The following SLC9A9 variants were observed in gnomAD, a reference collection of about 807,000 sequenced individuals.
SLC9A9 encodes the protein solute carrier family 9 member A9, also known as sodium/hydrogen exchanger 9.
In SLC9A9, 62 loss-of-function variants were observed where a neutral mutation model predicts 77.8. That is an observed-to-expected ratio of 0.80 (90% CI 0.65 to 0.98). SLC9A9 has a LOEUF of 0.98. SLC9A9 is among the 50% of genes least tolerant of loss of function. The pLI is 0.00. For synonymous variants in SLC9A9, 320 were observed against 283.5 expected (o/e 1.13, Z -1.29); for missense variants, 775 against 774.9 (o/e 1.00, Z 0.00).
chr3:143,733,368 G>A (rs543531386), intron 4 of SLC9A9, among the ~76,000 whole-genome samples: 1 of 152,248 alleles, frequency 6.6e-6, no homozygotes, highest in Admixed American at 6.5e-5. Flanking sequence ...GGTAGGAGGA[G>A]GGTGAAGAGA....
rs532444396 is a variant in SLC9A9, at chr3:143,265,842, T to C, written c.*860A>G. On this transcript the variant is annotated 3_prime_UTR_variant, in exon 16 of 16. Transcript: ENST00000316549. ...GGCTCCTGCACAGTCTGCTGCCAGG[T>C]AGAGAGCAACACAGGCTGCAGAATC... 1.7e-6 allele frequency: 1 copy of C among 591,736 alleles called. No individual in the cohort carries two copies. The highest frequency in any genetic ancestry group is 2.0e-5 in the South Asian group (1 of 49,012). 36.7% of individuals were successfully genotyped at this position (591,736 alleles called of 1,614,324 possible). A position where few individuals can be genotyped will look rare whatever the true frequency, so the allele number is the denominator to read the frequency against.
chr3:143,828,468 T>A (rs1414080070), intron 2 of SLC9A9, among the ~76,000 whole-genome samples: 1 of 152,080 alleles, frequency 6.6e-6, no homozygotes, highest in Non-Finnish European at 1.5e-5. Context: ...AATGTAAGAA[T>A]GCTAATAAAC....
chr3:143,571,730 G>A (rs1302890198), intron 8 of SLC9A9, among the ~76,000 whole-genome samples: 1 of 152,124 alleles, frequency 6.6e-6, no homozygotes, highest in East Asian at 1.9e-4. Flanking sequence ...CCAAACCACA[G>A]CAATGAACAG....
intron 12 of SLC9A9, among the ~76,000 whole-genome samples, chr3:143,455,968 G>A (rs1485811845): frequency 6.6e-6 from 1 of 151,776 alleles, no homozygotes; most frequent in Non-Finnish European, 1.5e-5. Flanking sequence ...CCTAAAATTA[G>A]GAATATTTGT....
chr3:143,380,861 CA>C (rs976010370), intron 13 of SLC9A9, among the ~76,000 whole-genome samples: 2 of 152,138 alleles, frequency 1.3e-5, no homozygotes, highest in Admixed American at 1.3e-4. Flanking sequence ...GAAAACTCAC[CA>C]GTTGTGCCTC....
chr3:143,469,931 A>T (rs554427169), intron 11 of SLC9A9, among the ~76,000 whole-genome samples: 5 of 152,166 alleles, frequency 3.3e-5, no homozygotes, highest in Non-Finnish European at 7.4e-5. Flanking sequence ...TGTACTCAAG[A>T]AAAAAAGGCC....
intron 12 of SLC9A9, among the ~76,000 whole-genome samples, chr3:143,385,943 T>C (rs1212139254): frequency 6.6e-6 from 1 of 152,096 alleles, no homozygotes; most frequent in Non-Finnish European, 1.5e-5. Flanking sequence ...TGCCAGTTTC[T>C]CTCCCATGGA....
intron 12 of SLC9A9, among the ~76,000 whole-genome samples, chr3:143,425,199 T>G (rs993897451): frequency 1.3e-5 from 2 of 151,726 alleles, no homozygotes; most frequent in Non-Finnish European, 2.9e-5. Flanking sequence ...AGTTTAAAAT[T>G]AACAGATATG....
chr3:143,368,566 T>C (rs969277610), intron 13 of SLC9A9, among the ~76,000 whole-genome samples: 1 of 152,202 alleles, frequency 6.6e-6, no homozygotes, highest in Non-Finnish European at 1.5e-5. Flanking sequence ...TTCTCAAGAT[T>C]TCATATTCAA....
At chr3:143,602,305 A>G (rs1196488761) in intron 6 of SLC9A9, among the ~76,000 whole-genome samples, 1 of 152,208 alleles carries the variant, frequency 6.6e-6, no homozygotes, top group Non-Finnish European at 1.5e-5. Context: ...TGCTCCTGAC[A>G]TCAGCTAAGG....
intron 5 of SLC9A9, among the ~76,000 whole-genome samples, chr3:143,663,247 A>G (rs908331470): frequency 6.6e-6 from 1 of 152,216 alleles, no homozygotes; most frequent in Admixed American, 6.5e-5. Context: ...GAAAACTAGC[A>G]AACAGAAAGG....
At chr3:143,560,207 A>ATT (rs2037057165) in intron 8 of SLC9A9, among the ~76,000 whole-genome samples, 1 of 152,176 alleles carries the variant, frequency 6.6e-6, no homozygotes, top group Non-Finnish European at 1.5e-5. Context: ...CCAATTCTGC[A>ATT]TTTTTATACT....
intron 14 of SLC9A9, among the ~76,000 whole-genome samples, chr3:143,303,772 G>A (rs1156807639): frequency 6.6e-6 from 1 of 152,142 alleles, no homozygotes; most frequent in Non-Finnish European, 1.5e-5. Flanking sequence ...TTCAGGTCTG[G>A]ATGACCTCTG....
intron 12 of SLC9A9, among the ~76,000 whole-genome samples, chr3:143,411,767 C>T (rs915196896): frequency 6.6e-6 from 1 of 152,128 alleles, no homozygotes; most frequent in African/African-American, 2.4e-5. Flanking sequence ...TCCTCTTAAG[C>T]TGGTTGCAAT....
intron 4 of SLC9A9, among the ~76,000 whole-genome samples, chr3:143,727,782 T>C (rs1934695772): frequency 6.6e-6 from 1 of 152,236 alleles, no homozygotes; most frequent in East Asian, 1.9e-4. Context: ...CAATGACCCA[T>C]CTATACTTGG....
chr3:143,363,526 T>C lies in SLC9A9; in HGVS notation c.1562A>G (p.Glu521Gly). 6.2e-7 allele frequency: 1 copy of C among 1,613,104 alleles called. No individual in the cohort carries two copies. Among genetic ancestry groups the C allele is most frequent in the Non-Finnish European group, 8.5e-7 (1 of 1,179,298 alleles). The change falls in exon 14 of 16, where the codon GAG (glutamate) becomes GGG (glycine). Residue 521 changes from glutamate (E) to glycine (G), a missense_variant. Glu to Gly is a moderately conservative substitution (Grantham distance 98). Transcript: ENST00000316549. ...NNLDKNMTKA[E>G]SARLFRMWYS... ...CCACATTCTGAAGAGCCGAGCACTCTCTGCTTTCGTCATGTTTTTATCCAA... is the reference window on the plus strand; with the variant it reads ...CCACATTCTGAAGAGCCGAGCACTCCCTGCTTTCGTCATGTTTTTATCCAA...
chr3:143,664,507 A>G (rs1263650720), intron 5 of SLC9A9, among the ~76,000 whole-genome samples: 1 of 152,240 alleles, frequency 6.6e-6, no homozygotes, highest in African/African-American at 2.4e-5. Context: ...AATGGGCTAA[A>G]TGCTCCAATT....
intron 14 of SLC9A9, among the ~76,000 whole-genome samples, chr3:143,327,491 C>T (rs2031640568): frequency 6.6e-6 from 1 of 152,174 alleles, no homozygotes; most frequent in African/African-American, 2.4e-5. Flanking sequence ...ACTTTTCCAG[C>T]TCCTTTTACT....
At chr3:143,729,476 A>C (rs1406167351) in intron 4 of SLC9A9, among the ~76,000 whole-genome samples, 1 of 152,180 alleles carries the variant, frequency 6.6e-6, no homozygotes, top group Non-Finnish European at 1.5e-5. Context: ...ATTCCTGTCC[A>C]CATGTCTGTC....
Sources: allele counts gnomAD v4.1 joint callset (sites outside exome capture counted in the v4.1 genomes callset), GRCh38; gene constraint gnomAD v4.1.1; transcripts MANE v1.5; gene names NCBI Gene and HGNC (gene_info 2026-07-23, HGNC 2026-07-21).